DGKI: variants seen among roughly 807,000 people sequenced by gnomAD.
DGKI encodes DAG kinase iota.
Under a neutral mutation model 147.5 loss-of-function variants are expected in DGKI, and 55 were observed. That is an observed-to-expected ratio of 0.37 (90% CI 0.30 to 0.47). The LOEUF is 0.47. DGKI is among the 20% of genes least tolerant of loss of function. The pLI, the probability that DGKI is intolerant of heterozygous loss-of-function variation, is 1.00. For synonymous variants in DGKI, 469 were observed against 477.1 expected, an observed-to-expected ratio of 0.98 and a Z score of 0.22; for missense variants, 1,007 against 1,323.8, an observed-to-expected ratio of 0.76 and a Z score of 3.71.
chr7:137,609,645 C>T, intron 8 of DGKI, 36 bp from the exon 9 acceptor site: 1 of 1,521,196 alleles, frequency 6.6e-7, no homozygotes, highest in South Asian at 1.1e-5. Context: ...AGCTCAGAGG[C>T]AGCCAGCCCA....
intron 1 of DGKI, 53 bp from the exon 2 acceptor site, chr7:137,690,055 T>C: frequency 7.1e-7 from 1 of 1,402,118 alleles, no homozygotes; most frequent in Non-Finnish European, 9.7e-7. Context: ...AACATCAGAA[T>C]CTCATACAGA....
At chr7:137,535,420 T>A (rs1051800377) in intron 20 of DGKI, among the ~76,000 whole-genome samples, 1 of 152,128 alleles carries the variant, frequency 6.6e-6, no homozygotes, top group Non-Finnish European at 1.5e-5. Context: ...TAAAGTCAGA[T>A]TTCTATTTGT....
At chr7:137,536,134 C>T (rs962128631) in intron 20 of DGKI, among the ~76,000 whole-genome samples, 27 of 152,058 alleles carry the variant, frequency 1.8e-4, no homozygotes, top group African/African-American at 5.6e-4. Context: ...GATAAATATA[C>T]ATACATATAT....
At chr7:137,564,231 G>A (rs1001573958) in intron 19 of DGKI, among the ~76,000 whole-genome samples, 5 of 152,110 alleles carry the variant, frequency 3.3e-5, no homozygotes, top group Non-Finnish European at 7.4e-5. Context: ...ATTAATTTGA[G>A]CTGAATCATA....
intron 21 of DGKI, among the ~76,000 whole-genome samples, chr7:137,498,806 A>C (rs1223971650): frequency 6.6e-6 from 1 of 152,196 alleles, no homozygotes; most frequent in Non-Finnish European, 1.5e-5. Flanking sequence ...TTACCCCCTG[A>C]CATGCTCTGC....
intron 10 of DGKI, among the ~76,000 whole-genome samples, chr7:137,601,282 AG>A (rs1285509729): frequency 2.0e-5 from 3 of 152,202 alleles, no homozygotes; most frequent in Admixed American, 2.0e-4. Context: ...AAAAAAAAAA[AG>A]AAAAAGAAAT....
intron 1 of DGKI, among the ~76,000 whole-genome samples, chr7:137,842,346 T>A (rs1798568977): frequency 6.6e-6 from 1 of 152,216 alleles, no homozygotes; most frequent in African/African-American, 2.4e-5. Flanking sequence ...AACTACATTC[T>A]AATCATCAAC....
At chr7:137,438,252 G>A (rs1813357836) in intron 28 of DGKI, among the ~76,000 whole-genome samples, 1 of 151,982 alleles carries the variant, frequency 6.6e-6, no homozygotes, top group Non-Finnish European at 1.5e-5. Flanking sequence ...ACCAGGTGGG[G>A]AAAAGTGAGT....
chr7:137,537,818 C>T (rs1446936801), intron 20 of DGKI, among the ~76,000 whole-genome samples: 1 of 152,008 alleles, frequency 6.6e-6, no homozygotes, highest in Non-Finnish European at 1.5e-5. Flanking sequence ...TAGAGGTAAG[C>T]CTTATAGTTT....
chr7:137,648,291 T>C (rs1239253569), intron 5 of DGKI, among the ~76,000 whole-genome samples: 1 of 152,210 alleles, frequency 6.6e-6, no homozygotes, highest in Non-Finnish European at 1.5e-5. Context: ...GTTGGAAACA[T>C]TTGATGCAAT....
rs75772069 is a variant in DGKI, at chr7:137,654,760, C to T, written c.710G>A (p.Arg237Gln). The change falls in exon 5 of 33, where the codon CGA (arginine) becomes CAA (glutamine). Residue 237 changes from arginine to glutamine, a missense_variant. Arg to Gln is a conservative substitution (Grantham distance 43). Around this residue, in one of 5 missense-constraint regions of DGKI, gnomAD observed 259 missense variants for 362.5 expected, o/e 0.71. Transcript: ENST00000614521. ...TCTTGGTGACCTTGAGCCTCCTTCT[C>T]GAAATGTTGGTTTACATCTGAAATT... Reference protein sequence around the residue: ...KINFRCKPTFREGGSRSPREN... With the variant: ...KINFRCKPTFQEGGSRSPREN... 24 of 1,607,736 alleles carry T rather than the reference C, an allele frequency of 1.5e-5. No individual in the cohort carries two copies. In the Admixed American group the frequency reaches 2.2e-4, roughly 15 times the overall value.
intron 28 of DGKI, among the ~76,000 whole-genome samples, chr7:137,424,760 C>A (rs61452482): frequency 6.6e-6 from 1 of 152,200 alleles, no homozygotes; most frequent in African/African-American, 2.4e-5. Context: ...TTGGAGGGTC[C>A]TACGCCCACG....
chr7:137,697,068 C>A (rs61180594), intron 1 of DGKI, among the ~76,000 whole-genome samples: 44,852 of 151,948 alleles, frequency 0.3, 7,203 homozygotes, highest in South Asian at 0.49. Flanking sequence ...AGAGAACCAA[C>A]CCTGCCGACA....
intron 1 of DGKI, among the ~76,000 whole-genome samples, chr7:137,763,594 C>T (rs919478290): frequency 2.0e-5 from 3 of 152,230 alleles, no homozygotes; most frequent in Non-Finnish European, 4.4e-5. Context: ...CCAAAGTATC[C>T]TCATTTTTGA....
In DGKI at chr7:137,417,549, T is replaced by C. The variant is rs549223134; in HGVS notation, c.2762-5342A>G. On this transcript the variant is annotated intron_variant, in intron 28 of 32. Coordinates refer to ENST00000614521, the MANE Select transcript of DGKI (RefSeq NM_001321708.2). Reference sequence around the variant, plus strand: ...GTCTGGGCTCTCAAGAGTCTGGATGTGCTCAGACATCCATGTGCGGAAGGA... The same window carrying C: ...GTCTGGGCTCTCAAGAGTCTGGATGCGCTCAGACATCCATGTGCGGAAGGA... 1.6e-4 allele frequency among the ~76,000 whole-genome samples: 24 copies of C among 152,302 alleles called. 1 individual carries two copies. The South Asian group carries it at 1.9e-3, about 12-fold the overall frequency.
At chr7:137,419,906 A>C (rs1585095880) in intron 28 of DGKI, among the ~76,000 whole-genome samples, 1 of 152,352 alleles carries the variant, frequency 6.6e-6, no homozygotes, top group South Asian at 2.1e-4. Context: ...GCAACTCTGT[A>C]TCAACTATCT....
chr7:137,608,670 G>C (rs1820263698), intron 10 of DGKI, among the ~76,000 whole-genome samples: 1 of 152,154 alleles, frequency 6.6e-6, no homozygotes, highest in Admixed American at 6.5e-5. Flanking sequence ...TACGAACTAA[G>C]AGAAATTCTA....
At chr7:137,699,330 C>T (rs1349048717) in intron 1 of DGKI, among the ~76,000 whole-genome samples, 1 of 152,164 alleles carries the variant, frequency 6.6e-6, no homozygotes, top group Non-Finnish European at 1.5e-5. Flanking sequence ...CAGGCAAATG[C>T]CCTGGTATGG....
At chr7:137,493,489 A>T in intron 21 of DGKI, among the ~76,000 whole-genome samples, 1 of 152,324 alleles carries the variant, frequency 6.6e-6, no homozygotes. Context: ...CTGAGGAGCC[A>T]GAGATGAAAG....
Sources: allele counts gnomAD v4.1 joint callset (sites outside exome capture counted in the v4.1 genomes callset), GRCh38; gene constraint gnomAD v4.1.1; regional missense constraint gnomAD v4.1.1; transcripts MANE v1.5; gene names NCBI Gene and HGNC (gene_info 2026-07-23, HGNC 2026-07-21).